The following PIK3C3 variants were observed in gnomAD, a reference collection of about 807,000 sequenced individuals.
PIK3C3 encodes PI3-kinase type 3.
A neutral mutation model predicts 126.1 loss-of-function variants in PIK3C3; 95 were observed. That is an observed-to-expected ratio of 0.75 (90% CI 0.64 to 0.89). The LOEUF is 0.89. Among genes scored for constraint, PIK3C3 ranks in the 40% least tolerant of loss-of-function variants. The probability of loss-of-function intolerance (pLI) is 0.00; values close to 1 mark genes in which losing one functional copy is unlikely to be tolerated. For synonymous variants in PIK3C3, 374 were observed against 360.0 expected (o/e 1.04, Z -0.44); for missense variants, 829 against 1,063.2 (o/e 0.78, Z 3.06).
intron 7 of PIK3C3, 80 bp downstream of exon 7, chr18:41,993,421 A>G (rs924846118): frequency 2.3e-6 from 2 of 884,160 alleles, no homozygotes; most frequent in Non-Finnish European, 3.7e-6. Context: ...TACTTTCTTT[A>G]AACAAAGTAA....
chr18:41,999,049 A>G (rs1417972567), intron 9 of PIK3C3, among the ~76,000 whole-genome samples: 1 of 152,024 alleles, frequency 6.6e-6, no homozygotes, highest in African/African-American at 2.4e-5. Context: ...TTTTAATTAA[A>G]TTTTGTCTTT....
chr18:41,988,012 C>A (rs1981582256), intron 5 of PIK3C3, 114 bp downstream of exon 5: 1 of 607,598 alleles, frequency 1.6e-6, no homozygotes, highest in Non-Finnish European at 2.8e-6. Flanking sequence ...TCAGGGTTAA[C>A]CCCTGTAGCT....
rs149387545 is a variant in PIK3C3 at position 42,039,855 on chromosome 18, C to G, written c.2039-822C>G. Among the ~76,000 whole-genome samples the G allele has an allele frequency of 2.2e-3, 337 of 152,222 alleles. 1 individual carries two copies. Among genetic ancestry groups the G allele is most frequent in the African/African-American group, 7.5e-3 (312 of 41,524 alleles). On this transcript the variant is annotated intron_variant, in intron 18 of 24. Transcript: ENST00000262039. ...TTTTACTTACTTGGCAAATTTCTTC[C>G]GACATGGTCAAGAAACAATAAATAC...
intron 3 of PIK3C3, among the ~76,000 whole-genome samples, chr18:41,963,808 A>G (rs1457745013): frequency 6.8e-6 from 1 of 147,744 alleles, no homozygotes; most frequent in Non-Finnish European, 1.5e-5. Context: ...TATAATTCAC[A>G]TATCATAAAA....
chr18:42,079,005 T>A (rs980779425), intron 24 of PIK3C3, among the ~76,000 whole-genome samples: 4 of 152,266 alleles, frequency 2.6e-5, no homozygotes, highest in South Asian at 2.1e-4. Context: ...AAAGCTGTTT[T>A]GCTCTCATCA....
Position 42,020,706 on chromosome 18 carries a change from G to C in PIK3C3, c.1484+1G>C. ...CAACACTGGCTAATTATTTATACTG[G>C]TATGTAAAAATAATTTTCTGTTTAT... On this transcript the variant is annotated splice_donor_variant, in intron 13 of 24. Coordinates refer to ENST00000262039, the MANE Select transcript of PIK3C3 (RefSeq NM_002647.4). LOFTEE classifies it high-confidence loss of function. 1 of 1,533,418 alleles carries C rather than the reference G, an allele frequency of 6.5e-7. No individual in the cohort carries two copies. The highest frequency in any genetic ancestry group is 1.1e-5 in the South Asian group (1 of 87,558). The allele number at this position is 1,533,418 out of a possible 1,614,324, so 95.0% of individuals were successfully genotyped here.
intron 9 of PIK3C3, among the ~76,000 whole-genome samples, chr18:42,000,016 TA>T (rs1174007014): frequency 2.0e-5 from 3 of 152,198 alleles, no homozygotes; most frequent in Non-Finnish European, 4.4e-5. Flanking sequence ...AAGAAACGAC[TA>T]AAGCAGGAAA....
In PIK3C3 at chr18:42,086,451, C is replaced by T. The variant is rs1025158088; in HGVS notation, c.*5314C>T. On this transcript the variant is annotated 3_prime_UTR_variant, in exon 25 of 25. Transcript: ENST00000262039. Reference sequence around the variant, plus strand: ...GCTGAGACCCACTGGGCTGCATTCCCAGGAAGTTAGGCATTCTTAGTCACA... The same window carrying T: ...GCTGAGACCCACTGGGCTGCATTCCTAGGAAGTTAGGCATTCTTAGTCACA... 6.6e-6 allele frequency: 1 copy of T among 152,152 alleles called. No individual in the cohort carries two copies. The highest frequency in any genetic ancestry group is 2.4e-5 in the African/African-American group (1 of 41,422). The allele number at this position is 152,152 out of a possible 1,614,324, so 9.4% of individuals were successfully genotyped here.
At position 42,015,581 on chromosome 18, in the gene PIK3C3, T is replaced by C; in HGVS notation, c.1416+15T>C. 6.3e-7 allele frequency: 1 copy of C among 1,587,914 alleles called. No individual in the cohort carries two copies. Among genetic ancestry groups the C allele is most frequent in the Non-Finnish European group, 8.6e-7 (1 of 1,156,454 alleles). Reference sequence around the variant, plus strand: ...AAAATCTGGAAGTGAGTACAAAGCTTTTCCAGCTTCCTATAGGAGAGATCC... The same window carrying C: ...AAAATCTGGAAGTGAGTACAAAGCTCTTCCAGCTTCCTATAGGAGAGATCC... On this transcript the variant is annotated intron_variant, in intron 12 of 24. Coordinates refer to ENST00000262039, the MANE Select transcript of PIK3C3 (RefSeq NM_002647.4).
intron 9 of PIK3C3, among the ~76,000 whole-genome samples, chr18:41,998,904 C>T (rs1025438624): frequency 1.7e-4 from 26 of 152,108 alleles, no homozygotes; most frequent in African/African-American, 6.0e-4. Flanking sequence ...ATTCTTTTAG[C>T]GTCAGACTCT....
chr18:42,027,400 A>G, intron 13 of PIK3C3, 43 bp from the exon 14 acceptor site: 1 of 1,116,408 alleles, frequency 9.0e-7, no homozygotes, highest in East Asian at 2.5e-5. Flanking sequence ...ACTGAATCTA[A>G]GTTTCATTTC....
intron 4 of PIK3C3, among the ~76,000 whole-genome samples, chr18:41,979,873 C>CCAT: frequency 2.3e-5 from 2 of 87,906 alleles, no homozygotes; most frequent in Admixed American, 2.5e-4. Flanking sequence ...AGGAATCATG[C>CCAT]CATTATTATT....
chr18:42,071,035 T>C (rs1179668551), intron 24 of PIK3C3, among the ~76,000 whole-genome samples: 1 of 152,208 alleles, frequency 6.6e-6, no homozygotes, highest in Non-Finnish European at 1.5e-5. Context: ...AGAAATCCTG[T>C]AATTAACATT....
intron 24 of PIK3C3, among the ~76,000 whole-genome samples, chr18:42,079,292 T>G (rs554515966): frequency 2.6e-5 from 4 of 152,090 alleles, no homozygotes; most frequent in Non-Finnish European, 5.9e-5. Flanking sequence ...AGAAGAGAGA[T>G]AGGGGAATGG....
At chr18:42,066,615 G>A (rs149101618) in intron 23 of PIK3C3, among the ~76,000 whole-genome samples, 16 of 152,048 alleles carry the variant, frequency 1.1e-4, no homozygotes, top group Non-Finnish European at 1.5e-4. Flanking sequence ...GTATGTTTGC[G>A]TATCAGTCGG....
rs1981724255 is a variant in PIK3C3, at chr18:41,990,527, G to A, written c.687G>A (p.Lys229=). 1.9e-6 allele frequency: 3 copies of A among 1,590,980 alleles called. No homozygotes were observed. The South Asian group carries it at 3.3e-5, about 18-fold the overall frequency. The change falls in exon 6 of 25, where the codon AAG becomes AAA. Residue 229 remains lysine, a synonymous_variant. Coordinates refer to ENST00000262039, the MANE Select transcript of PIK3C3 (RefSeq NM_002647.4). ...TTCGATGTGTCAAGTGTGATGATAAGGAATATGGTATTGTTTATTATGAAA... is the reference window on the plus strand; with the variant it reads ...TTCGATGTGTCAAGTGTGATGATAAAGAATATGGTATTGTTTATTATGAAA... ...VEFRCVKCDD[K]EYGIVYYEKD...
intron 4 of PIK3C3, among the ~76,000 whole-genome samples, chr18:41,985,592 G>T (rs902261772): frequency 6.6e-6 from 1 of 152,048 alleles, no homozygotes; most frequent in Non-Finnish European, 1.5e-5. Flanking sequence ...TTACTTAACA[G>T]TTCTCACTAT....
intron 21 of PIK3C3, chr18:42,052,605 C>G (rs1414448504): frequency 6.6e-6 from 1 of 152,076 alleles, no homozygotes; most frequent in African/African-American, 2.4e-5. Flanking sequence ...CAAGTTCTAA[C>G]AATTTATAAT....
chr18:42,086,830 C>T lies in PIK3C3; in HGVS notation c.*5693C>T, dbSNP rs1398943684. 6.6e-6 allele frequency: 1 copy of T among 152,164 alleles called. No individual in the cohort carries two copies. The highest frequency in any genetic ancestry group is 1.5e-5 in the Non-Finnish European group (1 of 68,022). 9.4% of individuals were successfully genotyped at this position (152,164 alleles called of 1,614,324 possible). A position where few individuals can be genotyped will look rare whatever the true frequency, so the allele number is the denominator to read the frequency against. The stretch of plus-strand genomic sequence containing the variant: ...TCATTAAAAAATAGCCAACCAGCAG[C>T]TCATGCTGCTGGTCTGCCTATGGAG... On this transcript the variant is annotated 3_prime_UTR_variant, in exon 25 of 25. Coordinates refer to ENST00000262039, the MANE Select transcript of PIK3C3 (RefSeq NM_002647.4).
Sources: gnomAD v4.1 joint callset for allele counts (sites outside exome capture counted in the v4.1 genomes callset) on GRCh38, gnomAD v4.1.1 for gene constraint, MANE v1.5 for transcripts, NCBI Gene and HGNC (gene_info 2026-07-23, HGNC 2026-07-21) for gene names.